ADAMTS9: variants seen among roughly 807,000 people sequenced by gnomAD.
ADAMTS9 encodes the protein ADAM metallopeptidase with thrombospondin type 1 motif 9.
ADAMTS9 carries 107 observed loss-of-function variants against 257.1 expected under a neutral mutation model. The ratio of observed to expected loss-of-function variants is 0.42; its 90% CI spans 0.36 to 0.49. The LOEUF is 0.49. Ranked by LOEUF, ADAMTS9 falls within the 20% of genes least tolerant of loss-of-function variation. ADAMTS9 has a pLI of 0.03. For missense variants in ADAMTS9, 2,353 were observed against 2,469.1 expected (o/e 0.95, Z 1.00); for synonymous variants, 982 against 880.9 (o/e 1.11, Z -2.03).
chr3:64,674,603 G>T (rs1393888691), intron 3 of ADAMTS9, among the ~76,000 whole-genome samples: 1 of 152,208 alleles, frequency 6.6e-6, no homozygotes, highest in East Asian at 1.9e-4. Context: ...TTACAAGGCT[G>T]AAAGGGTCTA....
At chr3:64,628,667 G>C (rs1474731952) in intron 16 of ADAMTS9, among the ~76,000 whole-genome samples, 2 of 152,184 alleles carry the variant, frequency 1.3e-5, no homozygotes, top group African/African-American at 2.4e-5. Flanking sequence ...TTGGGGTAGT[G>C]AAAAGCTGAT....
At chr3:64,558,011 G>T (rs952874053) in intron 30 of ADAMTS9, among the ~76,000 whole-genome samples, 1 of 152,070 alleles carries the variant, frequency 6.6e-6, no homozygotes, top group East Asian at 1.9e-4. Flanking sequence ...ATCAAGACTC[G>T]CCTGGTGACA....
chr3:64,656,963 A>C (rs1268828798), intron 4 of ADAMTS9, among the ~76,000 whole-genome samples: 2 of 152,222 alleles, frequency 1.3e-5, no homozygotes, highest in Non-Finnish European at 2.9e-5. Flanking sequence ...TCGTCTATTA[A>C]AAGAAAAGTT....
At chr3:64,631,428 C>CG in intron 16 of ADAMTS9, 27 bp downstream of exon 16, 1 of 1,585,102 alleles carries the variant, frequency 6.3e-7, no homozygotes, top group African/African-American at 1.3e-5. Flanking sequence ...AACCAGAACT[C>CG]GCAAGTAGTG....
intron 25 of ADAMTS9, among the ~76,000 whole-genome samples, chr3:64,603,450 A>G (rs2106813258): frequency 6.6e-6 from 1 of 152,334 alleles, no homozygotes; most frequent in East Asian, 1.9e-4. Flanking sequence ...CTTGGTGTAC[A>G]GCAGGCAGGT....
rs766820473 is a variant in ADAMTS9 at position 64,539,276 on chromosome 3, G to A, written c.5540C>T (p.Ala1847Val). ...MQIITTDLQF[A>V]RTSEGHPVPF... Reference sequence around the variant, plus strand: ...GACGGGATGTCCTTCGCTTGTCCTTGCAAACTGTAAGTCAGTGGCTGTGGG... The same window carrying A: ...GACGGGATGTCCTTCGCTTGTCCTTACAAACTGTAAGTCAGTGGCTGTGGG... Residue 1847 changes from alanine (A) to valine (V), a missense_variant, in exon 37 of 40, where the codon GCA becomes GTA. Ala to Val is a moderately conservative substitution (Grantham distance 64, BLOSUM62 0). This residue lies in a region of ADAMTS9 where 1,402 missense variants were observed against 1,441.4 expected (regional missense o/e 0.97). Transcript: ENST00000498707. 4.5e-5 allele frequency: 73 copies of A among 1,613,922 alleles called. No individual in the cohort carries two copies. The highest frequency in any genetic ancestry group is 6.0e-5 in the Non-Finnish European group (71 of 1,179,944).
rs1178589713 is a variant in ADAMTS9 at position 64,654,343 on chromosome 3, G to A, written c.1316+10C>T. On this transcript the variant is annotated intron_variant, in intron 8 of 39. Transcript: ENST00000498707. The stretch of plus-strand genomic sequence containing the variant: ...TCCAAATTAAATGAAATTACTGAAA[G>A]GTAACTCACACATGGCCCAGCTCAT... 1.2e-6 allele frequency: 2 copies of A among 1,606,540 alleles called. No homozygotes were observed. Among genetic ancestry groups the A allele is most frequent in the Non-Finnish European group, 1.7e-6 (2 of 1,176,894 alleles).
intron 3 of ADAMTS9, among the ~76,000 whole-genome samples, chr3:64,661,299 G>T (rs1328075101): frequency 7.3e-6 from 1 of 136,846 alleles, no homozygotes; most frequent in Non-Finnish European, 1.5e-5. Flanking sequence ...ACTGGCATTT[G>T]TATACATATA....
At chr3:64,576,808 C>A (rs112748610) in intron 28 of ADAMTS9, among the ~76,000 whole-genome samples, 2 of 152,308 alleles carry the variant, frequency 1.3e-5, no homozygotes, top group African/African-American at 4.8e-5. Context: ...CACATGTCAA[C>A]TCTTGGAGCA....
intron 38 of ADAMTS9, chr3:64,522,588 T>A: frequency 5.0e-6 from 1 of 198,918 alleles, no homozygotes. Flanking sequence ...AATAAAGTTT[T>A]ATTGGAATAC....
At chr3:64,597,657 G>A (rs998986587) in intron 26 of ADAMTS9, among the ~76,000 whole-genome samples, 4 of 151,886 alleles carry the variant, frequency 2.6e-5, no homozygotes, top group African/African-American at 7.3e-5. Flanking sequence ...ACCTCTCTTC[G>A]GCCGTGCTTT....
chr3:64,517,802 G>A (rs7636110), intron 39 of ADAMTS9, among the ~76,000 whole-genome samples: 151,028 of 152,242 alleles, frequency 0.99, 74,923 homozygotes, highest in East Asian at 1. Flanking sequence ...TATAAAGTAC[G>A]TATATAATGG....
intron 28 of ADAMTS9, among the ~76,000 whole-genome samples, chr3:64,593,195 GTA>G (rs2084294557): frequency 6.6e-6 from 1 of 152,118 alleles, no homozygotes; most frequent in Admixed American, 6.5e-5. Context: ...CTAATACAAA[GTA>G]TAGTGATTAT....
Position 64,655,681 on chromosome 3 carries a change from G to A in ADAMTS9, c.1064C>T (p.Ser355Phe). ...IVIHNEQDGP[S>F]ISFNAQTTLK... ...TGTTGTCTGAGCATTAAAAGATATG[G>A]AAGGCCCATCCTAAATACAGAGAAG... Residue 355 changes from serine to phenylalanine, a missense_variant, in exon 6 of 40, where the codon TCC becomes TTC. Coordinates refer to ENST00000498707, the MANE Select transcript of ADAMTS9 (RefSeq NM_182920.2). 1 of 1,613,856 alleles carries A rather than the reference G, an allele frequency of 6.2e-7. No homozygotes were observed. The highest frequency in any genetic ancestry group is 1.3e-5 in the African/African-American group (1 of 75,014).
At chr3:64,535,995 C>T (rs7631517) in intron 37 of ADAMTS9, among the ~76,000 whole-genome samples, 150,982 of 152,298 alleles carry the variant, frequency 0.99, 74,853 homozygotes, top group East Asian at 1. Flanking sequence ...GTCCCACCTG[C>T]ACTGCAAGAG....
chr3:64,546,507 T>A (rs2083201611), intron 32 of ADAMTS9, among the ~76,000 whole-genome samples: 1 of 152,230 alleles, frequency 6.6e-6, no homozygotes, highest in South Asian at 2.1e-4. Flanking sequence ...CCCAAGGTTG[T>A]TCACCTGGGA....
chr3:64,525,439 C>G (rs948872674), intron 38 of ADAMTS9, among the ~76,000 whole-genome samples: 2 of 151,870 alleles, frequency 1.3e-5, no homozygotes, highest in Non-Finnish European at 2.9e-5. Context: ...ATATTTGTGC[C>G]TACATTTTAG....
At position 64,526,068 on chromosome 3, in the gene ADAMTS9, ATATAT is replaced by A. The variant is rs1208318627; in HGVS notation, c.5719-3813_5719-3809del. ...AATCTTATGTGTGATATGCTATACT[ATATAT>A]TATAATAAAATAATACAATATATAG... is the stretch of plus-strand genomic sequence containing the variant. On this transcript the variant is annotated intron_variant, in intron 38 of 39. Coordinates refer to ENST00000498707, the MANE Select transcript of ADAMTS9 (RefSeq NM_182920.2). 4.9e-5 allele frequency among the ~76,000 whole-genome samples: 7 copies of A among 143,742 alleles called. No homozygotes were observed. In the South Asian group the frequency reaches 8.8e-4, roughly 18 times the overall value. 94.3% of individuals were successfully genotyped at this position (143,742 alleles called of 152,430 possible). A position where few individuals can be genotyped will look rare whatever the true frequency, so the allele number is the denominator to read the frequency against.
At chr3:64,653,500 C>T (rs1431587725) in intron 8 of ADAMTS9, among the ~76,000 whole-genome samples, 1 of 152,094 alleles carries the variant, frequency 6.6e-6, no homozygotes, top group Non-Finnish European at 1.5e-5. Flanking sequence ...TATGCATCTC[C>T]CTCTGTGCCT....
Sources: allele counts gnomAD v4.1 joint callset (sites outside exome capture counted in the v4.1 genomes callset), GRCh38; gene constraint gnomAD v4.1.1; regional missense constraint gnomAD v4.1.1; transcripts MANE v1.5; gene names NCBI Gene and HGNC (gene_info 2026-07-23, HGNC 2026-07-21).